The following ADGRL3 variants were observed in gnomAD, a reference collection of about 807,000 sequenced individuals.
ADGRL3 encodes calcium-independent alpha-latrotoxin receptor 3.
A neutral mutation model predicts 153.5 loss-of-function variants in ADGRL3; 62 were observed. That is an observed-to-expected ratio of 0.40 (90% confidence interval 0.33 to 0.50). The LOEUF (loss-of-function observed/expected upper bound fraction) is 0.50. ADGRL3 is among the 20% of genes least tolerant of loss of function. The pLI, the probability that ADGRL3 is intolerant of heterozygous loss-of-function variation, is 0.47. For missense variants in ADGRL3, 1,641 were observed against 1,859.4 expected (o/e 0.88, Z 2.16); for synonymous variants, 710 against 672.5 (o/e 1.06, Z -0.86).
chr4:62,006,032 A>ATATATTTTTT (rs1203029363), intron 21 of ADGRL3, among the ~76,000 whole-genome samples: 2 of 73,090 alleles, frequency 2.7e-5, no homozygotes, highest in African/African-American at 5.0e-5. Context: ...ATATATATAT[A>ATATATTTTTT]TTTTTTTTTT....
At chr4:61,866,628 A>G (rs2098401821) in intron 9 of ADGRL3, among the ~76,000 whole-genome samples, 1 of 152,174 alleles carries the variant, frequency 6.6e-6, no homozygotes, top group South Asian at 2.1e-4. Flanking sequence ...GAAAACACTC[A>G]GATTTGAAAA....
In ADGRL3 at chr4:61,596,700, A is replaced by G. The variant is rs533883391; in HGVS notation, c.473+9260A>G. Reference sequence around the variant, plus strand: ...AGACCTCGTCTCTACCAAAAATTAAATTAAATAAGTAGCTGGATGTGGTGT... The same window carrying G: ...AGACCTCGTCTCTACCAAAAATTAAGTTAAATAAGTAGCTGGATGTGGTGT... On this transcript the variant is annotated intron_variant, in intron 5 of 26. Coordinates refer to ENST00000683033, the MANE Select transcript of ADGRL3 (RefSeq NM_001387552.1). Among the ~76,000 whole-genome samples the G allele has an allele frequency of 5.2e-4, 79 of 152,238 alleles. 1 individual carries two copies. The highest frequency in any genetic ancestry group is 5.2e-3 in the Admixed American group (79 of 15,270).
intron 8 of ADGRL3, among the ~76,000 whole-genome samples, chr4:61,762,238 A>T (rs2096921611): frequency 6.6e-6 from 1 of 152,184 alleles, no homozygotes; most frequent in African/African-American, 2.4e-5. Context: ...AATTTCTAGG[A>T]ATTTCATAAA....
At chr4:61,278,396 A>C (rs1212155588) in intron 1 of ADGRL3, among the ~76,000 whole-genome samples, 2 of 152,216 alleles carry the variant, frequency 1.3e-5, no homozygotes, top group South Asian at 4.1e-4. Context: ...AAAACGACTA[A>C]AACGTTTTCT....
chr4:61,606,654 G>A (rs956754423), intron 5 of ADGRL3, among the ~76,000 whole-genome samples: 1 of 152,120 alleles, frequency 6.6e-6, no homozygotes, highest in Non-Finnish European at 1.5e-5. Flanking sequence ...AGTCACATTG[G>A]AGGTTAGGGC....
At chr4:61,265,624 G>C (rs2092804639) in intron 1 of ADGRL3, among the ~76,000 whole-genome samples, 1 of 151,884 alleles carries the variant, frequency 6.6e-6, no homozygotes, top group Non-Finnish European at 1.5e-5. Flanking sequence ...AGAAAAAAGT[G>C]AGATAATTGG....
chr4:61,739,830 G>A (rs2096562774), intron 8 of ADGRL3, among the ~76,000 whole-genome samples: 1 of 152,158 alleles, frequency 6.6e-6, no homozygotes, highest in Non-Finnish European at 1.5e-5. Context: ...AATACGTAAT[G>A]TGTTTTCTTC....
chr4:61,430,449 A>C (rs1265245609), intron 2 of ADGRL3, among the ~76,000 whole-genome samples: 1 of 152,194 alleles, frequency 6.6e-6, no homozygotes, highest in African/African-American at 2.4e-5. Context: ...AAAGTATATC[A>C]ATGACATTTC....
At chr4:61,610,661 A>G (rs1377555394) in intron 5 of ADGRL3, among the ~76,000 whole-genome samples, 1 of 152,190 alleles carries the variant, frequency 6.6e-6, no homozygotes, top group Non-Finnish European at 1.5e-5. Context: ...TTGATTTTTA[A>G]CAAGACTGTA....
intron 8 of ADGRL3, chr4:61,775,788 C>T: frequency 1.3e-6 from 1 of 777,732 alleles, no homozygotes; most frequent in Admixed American, 1.7e-5. Flanking sequence ...CAGTCTTCAG[C>T]ACCTCCTGTA....
intron 23 of ADGRL3, among the ~76,000 whole-genome samples, chr4:62,034,281 C>T (rs1371486118): frequency 6.6e-6 from 1 of 151,656 alleles, no homozygotes; most frequent in Non-Finnish European, 1.5e-5. Flanking sequence ...TAAGTATATA[C>T]ACCCTATCCT....
At chr4:61,213,221 A>G (rs571772809) in intron 1 of ADGRL3, among the ~76,000 whole-genome samples, 3 of 152,272 alleles carry the variant, frequency 2.0e-5, no homozygotes, top group Non-Finnish European at 2.9e-5. Flanking sequence ...CATAGTATCA[A>G]TGTCAGAGGA....
At chr4:61,840,269 G>A (rs1232452319) in intron 9 of ADGRL3, among the ~76,000 whole-genome samples, 2 of 151,766 alleles carry the variant, frequency 1.3e-5, no homozygotes, top group South Asian at 2.1e-4. Flanking sequence ...TTGTGGAGAC[G>A]GTGTTTCACC....
chr4:61,847,413 C>T (rs981897751), intron 9 of ADGRL3, among the ~76,000 whole-genome samples: 1 of 149,710 alleles, frequency 6.7e-6, no homozygotes, highest in African/African-American at 2.5e-5. Flanking sequence ...CAAAACCACA[C>T]CAAATCTATA....
chr4:61,408,386 G>A (rs1396126832), intron 2 of ADGRL3, among the ~76,000 whole-genome samples: 1 of 150,872 alleles, frequency 6.6e-6, no homozygotes, highest in Non-Finnish European at 1.5e-5. Flanking sequence ...CTGGGTATTT[G>A]CAGCCCATGG....
At chr4:62,051,507 G>GA (rs140065634) in intron 25 of ADGRL3, among the ~76,000 whole-genome samples, 6,237 of 147,754 alleles carry the variant, frequency 0.042, 145 homozygotes, top group Non-Finnish European at 0.051. Context: ...ATCTGAAAAA[G>GA]AAAAAAAAAA....
chr4:61,737,594 T>G (rs987160843), intron 8 of ADGRL3, among the ~76,000 whole-genome samples: 2 of 152,170 alleles, frequency 1.3e-5, no homozygotes, highest in Non-Finnish European at 2.9e-5. Context: ...CCTCAGAAGA[T>G]TATTGTTATA....
At chr4:61,413,361 G>A (rs1445626770) in intron 2 of ADGRL3, among the ~76,000 whole-genome samples, 3 of 152,048 alleles carry the variant, frequency 2.0e-5, no homozygotes, top group African/African-American at 7.2e-5. Flanking sequence ...TAGGAAGTGG[G>A]GAAACGGGTG....
chr4:61,867,541 A>ATATATATATATATAT (rs1490365312), intron 9 of ADGRL3, among the ~76,000 whole-genome samples: 3 of 50,280 alleles, frequency 6.0e-5, no homozygotes, highest in Non-Finnish European at 1.1e-4. Context: ...TATATATATA[A>ATATATATATATATAT]TTGTAGGAGA....
Sources: gnomAD v4.1 joint callset for allele counts (sites outside exome capture counted in the v4.1 genomes callset) on GRCh38, gnomAD v4.1.1 for gene constraint, MANE v1.5 for transcripts, NCBI Gene and HGNC (gene_info 2026-07-23, HGNC 2026-07-21) for gene names.